NRXN3: variants seen among roughly 807,000 people sequenced by gnomAD.
NRXN3 encodes neurexin 3.
In NRXN3, 32 loss-of-function variants were observed where a neutral mutation model predicts 137.6. The ratio of observed to expected loss-of-function variants is 0.23; its 90% CI spans 0.18 to 0.31. The LOEUF (loss-of-function observed/expected upper bound fraction) is 0.31, where lower values mean the gene tolerates loss of function less well. Ranked by LOEUF, NRXN3 falls within the 10% of genes least tolerant of loss-of-function variation. The pLI, the probability that NRXN3 is intolerant of heterozygous loss-of-function variation, is 1.00. For synonymous variants in NRXN3, 798 were observed against 784.5 expected, an observed-to-expected ratio of 1.02 and a Z score of -0.29; for missense variants, 1,574 against 2,062.5, an observed-to-expected ratio of 0.76 and a Z score of 4.59.
intron 10 of NRXN3, among the ~76,000 whole-genome samples, chr14:78,875,232 A>G (rs2099111221): frequency 6.6e-6 from 1 of 152,238 alleles, no homozygotes; most frequent in African/African-American, 2.4e-5. Flanking sequence ...GAGCAAAGTG[A>G]AAAGACATAG....
chr14:79,056,000 C>A (rs914242285), intron 15 of NRXN3, among the ~76,000 whole-genome samples: 19 of 152,172 alleles, frequency 1.2e-4, no homozygotes, highest in Middle Eastern at 3.4e-3. Flanking sequence ...TTTAAAGAAG[C>A]CGAATTATAT....
At chr14:79,041,349 C>T (rs895513466) in intron 15 of NRXN3, among the ~76,000 whole-genome samples, 5 of 152,054 alleles carry the variant, frequency 3.3e-5, no homozygotes, top group East Asian at 3.9e-4. Flanking sequence ...TTAGGTGACC[C>T]GTTAAATTTG....
intron 4 of NRXN3, among the ~76,000 whole-genome samples, chr14:78,637,347 T>C (rs902390918): frequency 2.0e-5 from 3 of 152,244 alleles, no homozygotes; most frequent in Non-Finnish European, 4.4e-5. Flanking sequence ...ATTTTAAGTA[T>C]GACCTCCTGT....
chr14:78,920,990 G>T (rs2099269472), intron 10 of NRXN3, among the ~76,000 whole-genome samples: 1 of 152,120 alleles, frequency 6.6e-6, no homozygotes, highest in Non-Finnish European at 1.5e-5. Flanking sequence ...ATTATACATT[G>T]CCCATTGGTG....
intron 4 of NRXN3, among the ~76,000 whole-genome samples, chr14:78,335,254 T>TG (rs1484373318): frequency 2.0e-5 from 3 of 152,226 alleles, no homozygotes; most frequent in Non-Finnish European, 4.4e-5. Flanking sequence ...AAAAGGCTGT[T>TG]GCATTATTTT....
chr14:79,152,471 G>T (rs562080457), intron 15 of NRXN3, among the ~76,000 whole-genome samples: 2 of 152,044 alleles, frequency 1.3e-5, no homozygotes, highest in South Asian at 4.2e-4. Context: ...ATATTAGTCT[G>T]TTCTCACACT....
intron 4 of NRXN3, among the ~76,000 whole-genome samples, chr14:78,642,527 G>A (rs914098290): frequency 2.6e-5 from 4 of 152,210 alleles, no homozygotes; most frequent in East Asian, 3.9e-4. Context: ...TCAGTTCAGT[G>A]GGCACACAAG....
At chr14:79,560,504 C>CTTTTTTTTTTTGTTTT (rs2097482710) in intron 16 of NRXN3, among the ~76,000 whole-genome samples, 1 of 43,770 alleles carries the variant, frequency 2.3e-5, no homozygotes, top group African/African-American at 8.1e-5. Context: ...AGATTGTAAG[C>CTTTTTTTTTTTGTTTT]TTTTTTTTTT....
At chr14:78,505,486 G>T (rs2095969869) in intron 4 of NRXN3, among the ~76,000 whole-genome samples, 2 of 152,036 alleles carry the variant, frequency 1.3e-5, no homozygotes, top group African/African-American at 4.8e-5. Flanking sequence ...TTCTAAAGGG[G>T]ACTCCTGATA....
rs530266411 is a variant in NRXN3, at chr14:78,333,630, A to C, written c.757+35770A>C. Among the ~76,000 whole-genome samples the C allele has an allele frequency of 2.0e-4, 30 of 152,176 alleles. 3 individuals are homozygous for C. The South Asian group carries it at 6.2e-3, about 32-fold the overall frequency. On this transcript the variant is annotated intron_variant, in intron 4 of 20. Coordinates refer to ENST00000335750, the MANE Select transcript of NRXN3 (RefSeq NM_001330195.2). ...AATTTCCTATAAGGCAGTTAGAGAGACCTCACTGAGGATATGATATTTGGA... is the reference window on the plus strand; with the variant it reads ...AATTTCCTATAAGGCAGTTAGAGAGCCCTCACTGAGGATATGATATTTGGA...
intron 16 of NRXN3, among the ~76,000 whole-genome samples, chr14:79,483,735 A>G (rs894742681): frequency 6.6e-6 from 1 of 152,152 alleles, no homozygotes; most frequent in Admixed American, 6.5e-5. Flanking sequence ...CAGGGTCCAC[A>G]CAGAGCAGTT....
At chr14:79,492,074 AG>A (rs1180123990) in intron 16 of NRXN3, among the ~76,000 whole-genome samples, 1 of 152,210 alleles carries the variant, frequency 6.6e-6, no homozygotes, top group East Asian at 1.9e-4. Flanking sequence ...AGCCCACATC[AG>A]GAAGGTACTG....
intron 15 of NRXN3, among the ~76,000 whole-genome samples, chr14:79,088,487 A>G (rs1323766109): frequency 1.4e-5 from 2 of 140,136 alleles, no homozygotes; most frequent in Non-Finnish European, 2.9e-5. Context: ...GTTCTTATAT[A>G]TCTATGTATA....
rs180906141 is a variant in NRXN3, at chr14:79,116,325, C to A, written c.3262+128184C>A. Among the ~76,000 whole-genome samples the A allele has an allele frequency of 4.7e-3, 712 of 152,290 alleles. 7 individuals carry two copies. The highest frequency in any genetic ancestry group is 0.016 in the African/African-American group (661 of 41,566). On this transcript the variant is annotated intron_variant, in intron 15 of 20. Transcript: ENST00000335750. ...GGGAGAGATTTTCTTTGTGGGAGTT[C>A]ATTACAGAGGCATCTGCAGACCTCT...
chr14:78,974,914 A>G (rs1333164447), intron 14 of NRXN3, among the ~76,000 whole-genome samples: 1 of 152,202 alleles, frequency 6.6e-6, no homozygotes, highest in Non-Finnish European at 1.5e-5. Context: ...ATTCAGAAGG[A>G]AATATAACAA....
chr14:78,805,733 G>A (rs1190577177), intron 9 of NRXN3, among the ~76,000 whole-genome samples: 5 of 152,024 alleles, frequency 3.3e-5, no homozygotes, highest in Admixed American at 2.0e-4. Context: ...TCAGCCCCAC[G>A]CGATCCTGAG....
intron 10 of NRXN3, among the ~76,000 whole-genome samples, chr14:78,868,874 T>C (rs2099094346): frequency 6.6e-6 from 1 of 152,014 alleles, no homozygotes; most frequent in Admixed American, 6.6e-5. Context: ...GCTTTGCAAC[T>C]GAATGGCATC....
chr14:78,789,737 C>T (rs2098799733), intron 8 of NRXN3, among the ~76,000 whole-genome samples: 1 of 152,154 alleles, frequency 6.6e-6, no homozygotes, highest in African/African-American at 2.4e-5. Flanking sequence ...GAAAGCTGTG[C>T]TTCTACATAT....
At chr14:78,868,606 G>A (rs2099093352) in intron 10 of NRXN3, among the ~76,000 whole-genome samples, 1 of 151,986 alleles carries the variant, frequency 6.6e-6, no homozygotes, top group Non-Finnish European at 1.5e-5. Flanking sequence ...GATCACCTGA[G>A]GTCAGGAGTT....
Sources: gnomAD v4.1 joint callset for allele counts (sites outside exome capture counted in the v4.1 genomes callset) on GRCh38, gnomAD v4.1.1 for gene constraint, MANE v1.5 for transcripts, NCBI Gene and HGNC (gene_info 2026-07-23, HGNC 2026-07-21) for gene names.